ANKRD17: variants seen among roughly 807,000 people sequenced by gnomAD.
The protein encoded by ANKRD17 is ankyrin repeat domain 17.
In ANKRD17, 19 loss-of-function variants were observed where a neutral mutation model predicts 229.7. That is an observed-to-expected ratio of 0.08 (90% confidence interval 0.06 to 0.12). The LOEUF (loss-of-function observed/expected upper bound fraction) is 0.12. Ranked by LOEUF, ANKRD17 falls within the 10% of genes least tolerant of loss-of-function variation. ANKRD17 has a pLI of 1.00. For synonymous variants in ANKRD17, 1,112 were observed against 1,146.1 expected, an observed-to-expected ratio of 0.97 and a Z score of 0.60; for missense variants, 2,176 against 3,176.8, an observed-to-expected ratio of 0.68 and a Z score of 7.57.
At chr4:73,100,331 G>T (rs1279530903) in intron 25 of ANKRD17, among the ~76,000 whole-genome samples, 1 of 152,026 alleles carries the variant, frequency 6.6e-6, no homozygotes, top group Non-Finnish European at 1.5e-5. Flanking sequence ...GAGTGAGCAA[G>T]GGGGCCTGAA....
chr4:73,148,838 T>C lies in ANKRD17; in HGVS notation c.1542A>G (p.Glu514=), dbSNP rs774847367. The change falls in exon 8 of 34, where the codon GAA becomes GAG. Residue 514 remains glutamate, a synonymous_variant. Transcript: ENST00000358602. ...LMEAAREGHE[E]MVALLLGQGA... ...CTTGACCAAGAAGTAATGCCACCAT[T>C]TCTTCATGTCCTTCTCGAGCTGCTT... is the stretch of plus-strand genomic sequence containing the variant. 6.2e-7 allele frequency: 1 copy of C among 1,614,038 alleles called. No individual in the cohort carries two copies. The highest frequency in any genetic ancestry group is 8.5e-7 in the Non-Finnish European group (1 of 1,179,918).
chr4:73,148,603 T>C (rs1730601018), intron 8 of ANKRD17, among the ~76,000 whole-genome samples: 2 of 152,348 alleles, frequency 1.3e-5, no homozygotes, highest in South Asian at 2.1e-4. Flanking sequence ...TAGCACATGA[T>C]GTCTCTGAAA....
intron 1 of ANKRD17, among the ~76,000 whole-genome samples, chr4:73,249,302 A>C (rs1047977952): frequency 3.3e-5 from 5 of 152,168 alleles, no homozygotes; most frequent in African/African-American, 1.2e-4. Flanking sequence ...AGATGGGGAT[A>C]AAAAAAGTGA....
In ANKRD17 at chr4:73,120,942, C is replaced by T; in HGVS notation, c.3788G>A (p.Gly1263Glu). The change falls in exon 20 of 34, where the codon GGA becomes GAA. Residue 1263 changes from glycine to glutamate, a missense_variant. Gly to Glu is a moderately conservative substitution (Grantham distance 98, BLOSUM62 -2). Coordinates refer to ENST00000358602, the MANE Select transcript of ANKRD17 (RefSeq NM_032217.5). ...NTALTLACFQ[G>E]RTEVVSLLLD... Reference sequence around the variant, plus strand: ...CAGAAGACTAACCACTTCAGTTCTTCCTTGGAAGCAGGCTAAAGTAAGGGC... The same window carrying T: ...CAGAAGACTAACCACTTCAGTTCTTTCTTGGAAGCAGGCTAAAGTAAGGGC... 1 of 1,613,562 alleles carries T rather than the reference C, an allele frequency of 6.2e-7. No homozygotes were observed. The highest frequency in any genetic ancestry group is 8.5e-7 in the Non-Finnish European group (1 of 1,179,822).
intron 1 of ANKRD17, among the ~76,000 whole-genome samples, chr4:73,249,493 G>A (rs970551766): frequency 2.0e-5 from 3 of 152,198 alleles, no homozygotes; most frequent in African/African-American, 4.8e-5. Context: ...AGCACTATCT[G>A]GTACACATTA....
chr4:73,098,224 C>T lies in ANKRD17; in HGVS notation c.4870G>A (p.Asp1624Asn), dbSNP rs1290723759. 5.6e-6 allele frequency: 9 copies of T among 1,614,058 alleles called. No individual in the cohort carries two copies. The highest frequency in any genetic ancestry group is 1.3e-5 in the African/African-American group (1 of 74,916). Residue 1624 changes from aspartate to asparagine, a missense_variant, in exon 26 of 34, where the codon GAT becomes AAT. Physicochemically the swap from Asp to Asn is conservative, Grantham distance 23. Transcript: ENST00000358602. ...SDNMRISSCSDESSNSNSSRK... is the reference protein window; with the variant it reads ...SDNMRISSCSNESSNSNSSRK... ...CTGCTGTTGCTGTTACTACTTTCAT[C>T]GCTGCAGCTGGAAATCCTCATGTTA...
rs1726737264 is a variant in ANKRD17 at position 73,121,660 on chromosome 4, T to C, written c.3592A>G (p.Ile1198Val). 1.2e-6 allele frequency: 2 copies of C among 1,613,676 alleles called. No homozygotes were observed. Among genetic ancestry groups the C allele is most frequent in the Non-Finnish European group, 1.7e-6 (2 of 1,179,816 alleles). The change falls in exon 19 of 34, where the codon ATC becomes GTC. Residue 1198 changes from isoleucine (I) to valine (V), a missense_variant. This residue lies in a region of ANKRD17 where 178 missense variants were observed against 421.7 expected (regional missense o/e 0.42). Transcript: ENST00000358602. Reference protein sequence around the residue: ...SLAASGGYVNIIKILLNAGAE... With the variant: ...SLAASGGYVNVIKILLNAGAE... ...CCTGCATTTAGTAATATTTTGATGA[T>C]GTTCACATAGCCACCAGAAGCAGCC...
In ANKRD17 at chr4:73,161,263, C is replaced by A. The variant is rs200457613; in HGVS notation, c.633G>T (p.Ala211=). The change falls in exon 3 of 34, where the codon GCG becomes GCT. Residue 211 remains alanine, a synonymous_variant. Transcript: ENST00000358602. ...TAAGTGCAGCAGCAGCTTCATCCAA[C>A]GCACAACTAACAGACGATGTCAACC... ...LRRLTSSVSC[A]LDEAAAALTR... 1 of 1,614,240 alleles carries A rather than the reference C, an allele frequency of 6.2e-7. No individual in the cohort carries two copies. The highest frequency in any genetic ancestry group is 8.5e-7 in the Non-Finnish European group (1 of 1,180,048).
At chr4:73,111,333 A>C (rs1241452784) in intron 24 of ANKRD17, among the ~76,000 whole-genome samples, 2 of 152,212 alleles carry the variant, frequency 1.3e-5, no homozygotes, top group Non-Finnish European at 2.9e-5. Context: ...GCACTGTGAT[A>C]CCTCAACAGT....
intron 1 of ANKRD17, among the ~76,000 whole-genome samples, chr4:73,188,221 G>C (rs903913086): frequency 2.0e-5 from 3 of 152,020 alleles, no homozygotes; most frequent in African/African-American, 7.2e-5. Flanking sequence ...TTAACTCTCA[G>C]AATACAGAGT....
At chr4:73,122,593 G>A (rs1726889638) in intron 18 of ANKRD17, among the ~76,000 whole-genome samples, 1 of 152,028 alleles carries the variant, frequency 6.6e-6, no homozygotes, top group African/African-American at 2.4e-5. Context: ...ATAAGATATA[G>A]AGAAGTCAAG....
intron 10 of ANKRD17, among the ~76,000 whole-genome samples, chr4:73,145,756 AGTTGTGTGCTT>A: frequency 6.6e-6 from 1 of 152,188 alleles, no homozygotes; most frequent in Non-Finnish European, 1.5e-5. Context: ...TATTCTAGTT[AGTTGTGTGCTT>A]ATGTCTCCCT....
At chr4:73,160,326 C>T (rs1732350858) in intron 3 of ANKRD17, among the ~76,000 whole-genome samples, 1 of 148,644 alleles carries the variant, frequency 6.7e-6, no homozygotes, top group Non-Finnish European at 1.5e-5. Flanking sequence ...TCAAGCGATT[C>T]TCCCGCCTCA....
At chr4:73,235,261 C>T (rs1379401708) in intron 1 of ANKRD17, among the ~76,000 whole-genome samples, 1 of 152,130 alleles carries the variant, frequency 6.6e-6, no homozygotes, top group Non-Finnish European at 1.5e-5. Flanking sequence ...ATATCCCATT[C>T]CCATCTCCTT....
At chr4:73,168,419 T>C (rs1436680376) in intron 2 of ANKRD17, among the ~76,000 whole-genome samples, 3 of 151,508 alleles carry the variant, frequency 2.0e-5, no homozygotes, top group Admixed American at 6.5e-5. Flanking sequence ...AGATATGATA[T>C]ATAGTGCTAA....
At chr4:73,153,419 C>T (rs1731259095) in intron 6 of ANKRD17, among the ~76,000 whole-genome samples, 1 of 152,056 alleles carries the variant, frequency 6.6e-6, no homozygotes, top group African/African-American at 2.4e-5. Flanking sequence ...AAATGTTCAG[C>T]TCTGTGGCTG....
At chr4:73,098,876 G>C in intron 25 of ANKRD17, 1 of 1,344,504 alleles carries the variant, frequency 7.4e-7, no homozygotes. Flanking sequence ...GCAGGAAATG[G>C]ACAGCACTGA....
At position 73,091,417 on chromosome 4, in the gene ANKRD17, C is replaced by T. The variant is rs1722786043; in HGVS notation, c.6211G>A (p.Val2071Met). Residue 2071 changes from valine to methionine, a missense_variant, in exon 29 of 34, where the codon GTG (valine) becomes ATG (methionine). Physicochemically the swap from Val to Met is conservative, Grantham distance 21. Coordinates refer to ENST00000358602, the MANE Select transcript of ANKRD17 (RefSeq NM_032217.5). The stretch of plus-strand genomic sequence containing the variant: ...GCTTCCTGTTCGGAGGAAGATGCCA[C>T]TTTATTTGGAGATGCTGATCCACAA... ...LDCGSASPNK[V>M]ASSSEQEAGS... 5 of 1,614,036 alleles carry T rather than the reference C, an allele frequency of 3.1e-6. No individual in the cohort carries two copies. The highest frequency in any genetic ancestry group is 4.2e-6 in the Non-Finnish European group (5 of 1,180,038).
chr4:73,215,265 AT>A (rs201276889), intron 1 of ANKRD17, among the ~76,000 whole-genome samples: 87 of 147,434 alleles, frequency 5.9e-4, no homozygotes, highest in Admixed American at 8.1e-4. Context: ...AGAAAATGTG[AT>A]TTTTTTTTTT....
Sources: allele counts gnomAD v4.1 joint callset (sites outside exome capture counted in the v4.1 genomes callset), GRCh38; gene constraint gnomAD v4.1.1; regional missense constraint gnomAD v4.1.1; transcripts MANE v1.5; gene names NCBI Gene and HGNC (gene_info 2026-07-23, HGNC 2026-07-21).